Variants in SMIM35 observed in about 807,000 individuals in gnomAD.
SMIM35 encodes the protein TMPRSS4 antisense RNA 1 (non-protein coding).
intron 1 of SMIM35, among the ~76,000 whole-genome samples, chr11:118,063,603 G>A (rs1302344382): frequency 1.3e-5 from 2 of 152,182 alleles, no homozygotes; most frequent in African/African-American, 2.4e-5. Context: ...TAGATCAGGG[G>A]CTGATCACCA....
intron 1 of SMIM35, among the ~76,000 whole-genome samples, chr11:118,066,389 A>G (rs1025181662): frequency 1.5e-4 from 23 of 152,104 alleles, no homozygotes; most frequent in African/African-American, 5.3e-4. Flanking sequence ...TCTCTACCCC[A>G]GGCTCTCCAT....
chr11:118,082,486 A>G (rs1945215955), intron 1 of SMIM35, among the ~76,000 whole-genome samples: 1 of 151,200 alleles, frequency 6.6e-6, no homozygotes, highest in South Asian at 2.1e-4. Flanking sequence ...GCTTGAACCC[A>G]GGAGGCAGAG....
intron 1 of SMIM35, among the ~76,000 whole-genome samples, chr11:118,076,803 G>A (rs990305132): frequency 6.6e-6 from 1 of 152,104 alleles, no homozygotes; most frequent in Non-Finnish European, 1.5e-5. Context: ...CCCACACAGT[G>A]AGAAGTCATG....
chr11:118,013,639 T>C (rs987306021), intron 4 of SMIM35, 109 bp downstream of exon 4: 3 of 393,274 alleles, frequency 7.6e-6, no homozygotes, highest in Non-Finnish European at 1.3e-5. Context: ...AACCAAATAA[T>C]CTCTTTGGGT....
intron 1 of SMIM35, among the ~76,000 whole-genome samples, chr11:118,030,581 T>C (rs4315116): frequency 0.051 from 7,758 of 152,180 alleles, 402 homozygotes; most frequent in South Asian, 0.18. Flanking sequence ...ACTATGGTGG[T>C]CCTGAGCAGC....
intron 1 of SMIM35, among the ~76,000 whole-genome samples, chr11:118,069,111 C>G (rs1944531937): frequency 6.6e-6 from 1 of 152,172 alleles, no homozygotes; most frequent in South Asian, 2.1e-4. Flanking sequence ...TCTGTGAATG[C>G]CAGCACCCCA....
chr11:118,077,220 T>C, intron 1 of SMIM35: 1 of 1,546,894 alleles, frequency 6.5e-7, no homozygotes, highest in Non-Finnish European at 8.8e-7. Flanking sequence ...AGCCAGGACC[T>C]GTGTGGGGAG....
intron 1 of SMIM35, among the ~76,000 whole-genome samples, chr11:118,021,284 T>G (rs921766523): frequency 6.6e-6 from 1 of 152,104 alleles, no homozygotes; most frequent in Non-Finnish European, 1.5e-5. Flanking sequence ...TGTTTTTTCT[T>G]TTTACTTACT....
rs1168999656 is a variant in SMIM35 at position 118,044,795 on chromosome 11, T to C, written c.8-28986A>G. On this transcript the variant is annotated intron_variant, in intron 1 of 4. Coordinates refer to ENST00000689828, the MANE Select transcript of SMIM35 (RefSeq NM_001394165.1). ...TCCAAAAAAAAAAAAAAAAAGTTCA[T>C]TCTACTAAAAAAAAAACAAAACAAA... Among the ~76,000 whole-genome samples, 3 of 61,674 alleles carry C rather than the reference T, an allele frequency of 4.9e-5. 1 individual carries two copies. Among genetic ancestry groups the C allele is most frequent in the Non-Finnish European group, 1.2e-4 (3 of 25,950 alleles). The allele number at this position is 61,674 out of a possible 152,430, so 40.5% of individuals were successfully genotyped here.
Position 118,048,946 on chromosome 11 carries a change from C to CAAAA in SMIM35, c.8-33141_8-33138dup, listed in dbSNP as rs57261529. ...GCCTATCGCCTAGGCTGAAGAGCTG[C>CAAAA]AAAAAAAAAAAAAAAAAAGCAAGTG... is the stretch of plus-strand genomic sequence containing the variant. On this transcript the variant is annotated intron_variant, in intron 1 of 4. Coordinates refer to ENST00000689828, the MANE Select transcript of SMIM35 (RefSeq NM_001394165.1). Among the ~76,000 whole-genome samples the CAAAA allele has an allele frequency of 7.4e-3, 446 of 60,370 alleles. 31 individuals are homozygous for CAAAA. The highest frequency in any genetic ancestry group is 0.011 in the Non-Finnish European group (348 of 32,724). 39.6% of individuals were successfully genotyped at this position (60,370 alleles called of 152,430 possible).
At chr11:118,057,179 T>C (rs2135114702) in intron 1 of SMIM35, among the ~76,000 whole-genome samples, 1 of 152,204 alleles carries the variant, frequency 6.6e-6, no homozygotes, top group Middle Eastern at 3.4e-3. Context: ...CAACTGGTGC[T>C]CTCTTAAGAA....
chr11:118,047,803 C>A lies in SMIM35; in HGVS notation c.8-31994G>T, dbSNP rs552888578. ...CCTTTACAGCAGCCTAAGCAAATGC[C>A]TTCTGTGGGCTGGGGATCTCTGTGA... On this transcript the variant is annotated intron_variant, in intron 1 of 4. Transcript: ENST00000689828. 6.0e-4 allele frequency among the ~76,000 whole-genome samples: 91 copies of A among 152,326 alleles called. 1 individual carries two copies. Among genetic ancestry groups the A allele is most frequent in the African/African-American group, 2.1e-3 (87 of 41,568 alleles).
At chr11:118,085,398 T>C (rs930221539) in intron 1 of SMIM35, among the ~76,000 whole-genome samples, 1 of 152,064 alleles carries the variant, frequency 6.6e-6, no homozygotes, top group African/African-American at 2.4e-5. Flanking sequence ...TAATTTTTTG[T>C]ATTTTTAGTA....
intron 1 of SMIM35, among the ~76,000 whole-genome samples, chr11:118,059,716 G>A (rs902168995): frequency 2.6e-5 from 4 of 152,008 alleles, no homozygotes; most frequent in Non-Finnish European, 4.4e-5. Context: ...TTCATTTGCC[G>A]CCTTACCTGG....
intron 1 of SMIM35, among the ~76,000 whole-genome samples, chr11:118,048,489 G>T (rs1435685998): frequency 6.6e-6 from 1 of 151,374 alleles, no homozygotes; most frequent in East Asian, 1.9e-4. Context: ...CTCCAGCCTG[G>T]ATGACAGAGC....
At chr11:118,008,469 AG>A (rs1002843317) in intron 4 of SMIM35, among the ~76,000 whole-genome samples, 2 of 152,216 alleles carry the variant, frequency 1.3e-5, no homozygotes, top group African/African-American at 4.8e-5. Flanking sequence ...GCATGGGACA[AG>A]ACCATTAAGA....
intron 1 of SMIM35, among the ~76,000 whole-genome samples, chr11:118,040,652 C>CA (rs985555408): frequency 1.2e-4 from 18 of 151,014 alleles, no homozygotes; most frequent in African/African-American, 3.4e-4. Context: ...CGTACACACA[C>CA]AAAAAAAAGG....
intron 1 of SMIM35, among the ~76,000 whole-genome samples, chr11:118,032,415 T>C (rs949155975): frequency 1.2e-4 from 18 of 152,352 alleles, no homozygotes; most frequent in African/African-American, 4.1e-4. Flanking sequence ...GTAAAATTCT[T>C]TTAAAAGACT....
intron 4 of SMIM35, among the ~76,000 whole-genome samples, chr11:118,010,636 C>G (rs1413403289): frequency 6.6e-6 from 1 of 152,178 alleles, no homozygotes; most frequent in Non-Finnish European, 1.5e-5. Context: ...AGTCTCAAGC[C>G]CTGAGCGAAG....
Sources: allele counts gnomAD v4.1 joint callset (sites outside exome capture counted in the v4.1 genomes callset), GRCh38; gene constraint gnomAD v4.1.1; transcripts MANE v1.5; gene names NCBI Gene and HGNC (gene_info 2026-07-23, HGNC 2026-07-21).